The following PIGU variants were observed in gnomAD, a reference collection of about 807,000 sequenced individuals.
PIGU encodes phosphatidylinositol glycan anchor biosynthesis class U, also known as GPI-anchor transamidase component PIGU.
A neutral mutation model predicts 49.9 loss-of-function variants in PIGU; 24 were observed. That is an observed-to-expected ratio of 0.48 (90% CI 0.35 to 0.68). PIGU has a LOEUF of 0.68. Among genes scored for constraint, PIGU ranks in the 30% least tolerant of loss-of-function variants. PIGU has a pLI of 0.01. For missense variants in PIGU, 490 were observed against 532.6 expected (o/e 0.92, Z 0.79); for synonymous variants, 220 against 205.7 (o/e 1.07, Z -0.59).
chr20:34,605,933 T>C (rs1984594665), intron 7 of PIGU, among the ~76,000 whole-genome samples: 1 of 152,116 alleles, frequency 6.6e-6, no homozygotes, highest in South Asian at 2.1e-4. Flanking sequence ...TTCTCCTATA[T>C]ACCATAATAC....
chr20:34,661,623 GCATT>G (rs1986929308), intron 1 of PIGU, among the ~76,000 whole-genome samples: 1 of 151,948 alleles, frequency 6.6e-6, no homozygotes, highest in South Asian at 2.1e-4. Context: ...CCACTGATGG[GCATT>G]CAGGTTAATT....
chr20:34,650,626 T>C (rs557253782), intron 2 of PIGU, among the ~76,000 whole-genome samples: 36 of 151,832 alleles, frequency 2.4e-4, no homozygotes, highest in African/African-American at 6.8e-4. Flanking sequence ...AAATCACCTG[T>C]AAATCTGTTT....
intron 2 of PIGU, among the ~76,000 whole-genome samples, chr20:34,655,668 T>G (rs530074671): frequency 8.3e-6 from 1 of 120,600 alleles, no homozygotes; most frequent in South Asian, 2.4e-4. Context: ...AGCAAGACTC[T>G]GTCTCAAAAA....
intron 2 of PIGU, among the ~76,000 whole-genome samples, chr20:34,656,638 G>A (rs1210768096): frequency 1.3e-5 from 2 of 151,780 alleles, no homozygotes; most frequent in South Asian, 2.1e-4. Context: ...GCATGGTGGT[G>A]CACACTTGTG....
intron 7 of PIGU, among the ~76,000 whole-genome samples, chr20:34,607,891 T>C (rs1984674931): frequency 6.6e-6 from 1 of 151,988 alleles, no homozygotes; most frequent in African/African-American, 2.4e-5. Flanking sequence ...GCTGGGACTA[T>C]AGGTGTGAGC....
intron 1 of PIGU, among the ~76,000 whole-genome samples, chr20:34,657,679 A>C (rs139012244): frequency 1.0e-3 from 152 of 152,220 alleles, no homozygotes; most frequent in African/African-American, 3.4e-3. Context: ...ACAGGGCAAT[A>C]TGTGCTTTCT....
chr20:34,599,270 T>C (rs1984319462), intron 7 of PIGU, among the ~76,000 whole-genome samples: 1 of 151,738 alleles, frequency 6.6e-6, no homozygotes, highest in Non-Finnish European at 1.5e-5. Flanking sequence ...CTGGGCAACA[T>C]GGCAAAACCC....
chr20:34,653,652 G>A (rs981165133), intron 2 of PIGU, among the ~76,000 whole-genome samples: 4 of 152,128 alleles, frequency 2.6e-5, no homozygotes, highest in African/African-American at 7.2e-5. Flanking sequence ...TTTACTAAAG[G>A]AAGGACAGAA....
chr20:34,642,658 T>TATATATATATATGCACACACACATATCTC (rs1986203386), intron 4 of PIGU, among the ~76,000 whole-genome samples: 2 of 52,126 alleles, frequency 3.8e-5, no homozygotes, highest in Non-Finnish European at 3.9e-5. Context: ...ATCTCATATA[T>TATATATATATATGCACACACACATATCTC]ATATATATAT....
intron 7 of PIGU, among the ~76,000 whole-genome samples, chr20:34,593,210 G>A (rs1337899094): frequency 6.6e-6 from 1 of 152,034 alleles, no homozygotes; most frequent in Non-Finnish European, 1.5e-5. Flanking sequence ...GGTGGCACAT[G>A]TCTGTAGTCC....
At chr20:34,602,085 C>T (rs1288736543) in intron 7 of PIGU, among the ~76,000 whole-genome samples, 2 of 152,136 alleles carry the variant, frequency 1.3e-5, no homozygotes, top group Non-Finnish European at 2.9e-5. Context: ...AGTTTAAGAC[C>T]AGCCTGGACA....
At position 34,637,988 on chromosome 20, in the gene PIGU, A is replaced by AT; in HGVS notation, c.319-4_319-3insA. On this transcript the variant is annotated splice_region_variant and splice_polypyrimidine_tract_variant and intron_variant, in intron 4 of 11. Transcript: ENST00000217446. The stretch of plus-strand genomic sequence containing the variant: ...AGGAGGAGTTTCTGCTTTTTAAACT[A>AT]GAAAAAAAAAAAAAAGGAAAAGATA... 6.4e-7 allele frequency: 1 copy of AT among 1,555,024 alleles called. No individual in the cohort carries two copies.
intron 7 of PIGU, among the ~76,000 whole-genome samples, chr20:34,606,352 T>G (rs1984614662): frequency 6.6e-6 from 1 of 152,194 alleles, no homozygotes; most frequent in South Asian, 2.1e-4. Context: ...TTATAGCTGT[T>G]TTTTTCAACC....
chr20:34,572,196 CTTTT>C (rs1286983076), intron 11 of PIGU, among the ~76,000 whole-genome samples: 1 of 151,922 alleles, frequency 6.6e-6, no homozygotes, highest in Non-Finnish European at 1.5e-5. Context: ...TTTATTATTA[CTTTT>C]TTATTTACTA....
intron 1 of PIGU, among the ~76,000 whole-genome samples, chr20:34,669,146 C>T (rs1268061549): frequency 6.6e-6 from 1 of 151,888 alleles, no homozygotes; most frequent in Admixed American, 6.6e-5. Context: ...CTCAGCCTCC[C>T]AAAGTGCTGA....
At chr20:34,575,912 G>C (rs1426737219) in intron 10 of PIGU, among the ~76,000 whole-genome samples, 1 of 152,204 alleles carries the variant, frequency 6.6e-6, no homozygotes. Flanking sequence ...CTACTCAAGG[G>C]TGATCCAGAG....
chr20:34,638,716 A>T lies in PIGU; in HGVS notation c.319-731T>A, dbSNP rs1049790160. Among the ~76,000 whole-genome samples, 8 of 152,284 alleles carry T rather than the reference A, an allele frequency of 5.3e-5. No individual in the cohort carries two copies. The South Asian group carries it at 6.2e-4, about 12-fold the overall frequency. The stretch of plus-strand genomic sequence containing the variant: ...TGGCCATGATGATCAAGAGGAGGAA[A>T]GCTGGGTGTGGGTGGGCAGCTGGAT... On this transcript the variant is annotated intron_variant, in intron 4 of 11. Coordinates refer to ENST00000217446, the MANE Select transcript of PIGU (RefSeq NM_080476.5).
intron 1 of PIGU, among the ~76,000 whole-genome samples, chr20:34,667,240 A>T (rs1401073963): frequency 6.6e-6 from 1 of 152,198 alleles, no homozygotes; most frequent in Admixed American, 6.6e-5. Flanking sequence ...TCCCGTATCA[A>T]TAAGGACAAA....
chr20:34,623,186 T>C (rs759085685), intron 6 of PIGU, among the ~76,000 whole-genome samples: 1 of 151,572 alleles, frequency 6.6e-6, no homozygotes, highest in Non-Finnish European at 1.5e-5. Flanking sequence ...AGAAACGCAC[T>C]GGAATGTAGT....
Sources: allele counts gnomAD v4.1 joint callset (sites outside exome capture counted in the v4.1 genomes callset), GRCh38; gene constraint gnomAD v4.1.1; transcripts MANE v1.5; gene names NCBI Gene and HGNC (gene_info 2026-07-23, HGNC 2026-07-21).